CAMTA1: variants seen among roughly 807,000 people sequenced by gnomAD.
CAMTA1 encodes the protein calmodulin binding transcription activator 1.
CAMTA1 carries 27 observed loss-of-function variants against 170.9 expected under a neutral mutation model. The ratio of observed to expected loss-of-function variants is 0.16; its 90% CI spans 0.12 to 0.22. The LOEUF (loss-of-function observed/expected upper bound fraction) is 0.22, where lower values mean the gene tolerates loss of function less well. Ranked by LOEUF, CAMTA1 falls within the 10% of genes least tolerant of loss-of-function variation. The probability of loss-of-function intolerance (pLI) is 1.00; values close to 1 mark genes in which losing one functional copy is unlikely to be tolerated. For synonymous variants in CAMTA1, 833 were observed against 891.5 expected, an observed-to-expected ratio of 0.93 and a Z score of 1.17; for missense variants, 1,619 against 2,217.2, an observed-to-expected ratio of 0.73 and a Z score of 5.42.
Position 7,530,051 on chromosome 1 carries a change from C to T in CAMTA1, c.510+62150C>T, listed in dbSNP as rs556667924. ...TGGGGCCCAGCAGAGGTTGACTTCCCTGTACCTGGGGAGGGCTCGTCAGCT... is the reference window on the plus strand; with the variant it reads ...TGGGGCCCAGCAGAGGTTGACTTCCTTGTACCTGGGGAGGGCTCGTCAGCT... On this transcript the variant is annotated intron_variant, in intron 6 of 22. Coordinates refer to ENST00000303635, the MANE Select transcript of CAMTA1 (RefSeq NM_015215.4). 2.5e-3 allele frequency among the ~76,000 whole-genome samples: 383 copies of T among 152,306 alleles called. 1 individual carries two copies. Among genetic ancestry groups the T allele is most frequent in the African/African-American group, 8.0e-3 (332 of 41,558 alleles).
At chr1:7,046,725 A>C (rs960752253) in intron 3 of CAMTA1, among the ~76,000 whole-genome samples, 1 of 152,190 alleles carries the variant, frequency 6.6e-6, no homozygotes, top group Non-Finnish European at 1.5e-5. Flanking sequence ...TTTTGGACTC[A>C]TGTTCTTAAA....
intron 4 of CAMTA1, among the ~76,000 whole-genome samples, chr1:7,125,137 C>T (rs1644859541): frequency 6.6e-6 from 1 of 152,142 alleles, no homozygotes; most frequent in African/African-American, 2.4e-5. Context: ...TCTGCATCTA[C>T]ACCGTGTTAA....
At chr1:7,015,700 T>C (rs1374147908) in intron 3 of CAMTA1, among the ~76,000 whole-genome samples, 1 of 152,134 alleles carries the variant, frequency 6.6e-6, no homozygotes, top group Non-Finnish European at 1.5e-5. Context: ...CTGGGCAATT[T>C]ATATAGAAAA....
chr1:7,558,965 C>A (rs1178085161), intron 6 of CAMTA1, among the ~76,000 whole-genome samples: 1 of 152,202 alleles, frequency 6.6e-6, no homozygotes. Context: ...AGGGCTGGGT[C>A]TCGGACCCCC....
At chr1:6,805,670 A>C (rs550788644) in intron 1 of CAMTA1, among the ~76,000 whole-genome samples, 2 of 152,178 alleles carry the variant, frequency 1.3e-5, no homozygotes, top group African/African-American at 4.8e-5. Flanking sequence ...TGGTCTGGCT[A>C]ATTTAGAAAT....
chr1:7,398,193 C>CTCTCTATATATA (rs1557651862), intron 5 of CAMTA1, among the ~76,000 whole-genome samples: 2 of 16,898 alleles, frequency 1.2e-4, no homozygotes, highest in African/African-American at 1.9e-4. Flanking sequence ...CTCTCTCTCT[C>CTCTCTATATATA]TATATATATA....
chr1:7,555,991 A>G (rs1484066374), intron 6 of CAMTA1, among the ~76,000 whole-genome samples: 2 of 152,190 alleles, frequency 1.3e-5, no homozygotes, highest in East Asian at 3.8e-4. Flanking sequence ...CATAGATCCC[A>G]TGAGGAGGGG....
intron 5 of CAMTA1, among the ~76,000 whole-genome samples, chr1:7,460,595 C>G (rs1346103828): frequency 4.9e-5 from 2 of 40,908 alleles, no homozygotes; most frequent in African/African-American, 2.7e-4. Flanking sequence ...CTGTGACTGC[C>G]CCCCCCAACC....
intron 3 of CAMTA1, among the ~76,000 whole-genome samples, chr1:7,051,589 C>T (rs1706366615): frequency 6.6e-6 from 1 of 151,606 alleles, no homozygotes; most frequent in Non-Finnish European, 1.5e-5. Flanking sequence ...CCTGGGTGTC[C>T]GAGGTTGCTG....
intron 11 of CAMTA1, among the ~76,000 whole-genome samples, chr1:7,696,455 A>C (rs1237841849): frequency 2.0e-5 from 3 of 150,432 alleles, no homozygotes; most frequent in Non-Finnish European, 2.9e-5. Context: ...CAGCCTCCCA[A>C]AGTGCTGGGA....
intron 6 of CAMTA1, among the ~76,000 whole-genome samples, chr1:7,627,886 T>C (rs2095643836): frequency 6.6e-6 from 1 of 152,228 alleles, no homozygotes; most frequent in Admixed American, 6.5e-5. Context: ...GAAGAAATGC[T>C]AGTTCTCAGC....
chr1:7,335,644 G>A (rs7524250), intron 5 of CAMTA1, among the ~76,000 whole-genome samples: 1 of 152,144 alleles, frequency 6.6e-6, no homozygotes, highest in Non-Finnish European at 1.5e-5. Context: ...GTGAGGCCAG[G>A]ATTTATACTC....
At chr1:7,511,936 G>A (rs6577446) in intron 6 of CAMTA1, among the ~76,000 whole-genome samples, 68,487 of 152,030 alleles carry the variant, frequency 0.45, 15,685 homozygotes, top group African/African-American at 0.53. Flanking sequence ...TGTTTTCTCA[G>A]TTTCTTCTGA....
chr1:6,871,919 A>G, intron 3 of CAMTA1: 3 of 1,344,272 alleles, frequency 2.2e-6, no homozygotes, highest in Non-Finnish European at 2.9e-6. Flanking sequence ...TTCAAAGTGT[A>G]ACACGCTGAT....
intron 5 of CAMTA1, among the ~76,000 whole-genome samples, chr1:7,354,121 G>T (rs1433038686): frequency 6.6e-6 from 1 of 151,854 alleles, no homozygotes; most frequent in Non-Finnish European, 1.5e-5. Context: ...AGTATTCCAC[G>T]GTGCATATGT....
intron 5 of CAMTA1, among the ~76,000 whole-genome samples, chr1:7,374,661 G>A (rs139584629): frequency 3.0e-4 from 45 of 152,332 alleles, no homozygotes; most frequent in African/African-American, 1.0e-3. Flanking sequence ...ATATAAGGAA[G>A]CAGGCGTGCG....
intron 11 of CAMTA1, among the ~76,000 whole-genome samples, chr1:7,688,682 T>C (rs1275203601): frequency 1.3e-5 from 2 of 152,176 alleles, no homozygotes; most frequent in Non-Finnish European, 2.9e-5. Context: ...TCCAGTCCAA[T>C]GCTCAGCCTC....
chr1:7,188,988 T>G (rs1406493146), intron 4 of CAMTA1, among the ~76,000 whole-genome samples: 2 of 152,230 alleles, frequency 1.3e-5, no homozygotes, highest in Non-Finnish European at 2.9e-5. Flanking sequence ...TGTTTTTTAA[T>G]AATAGCCATG....
intron 5 of CAMTA1, among the ~76,000 whole-genome samples, chr1:7,344,724 G>A (rs997812756): frequency 6.6e-5 from 10 of 150,878 alleles, no homozygotes; most frequent in Non-Finnish European, 1.0e-4. Flanking sequence ...TTGGCCATGT[G>A]TTTCTCCTCT....
Sources: allele counts gnomAD v4.1 joint callset (sites outside exome capture counted in the v4.1 genomes callset), GRCh38; gene constraint gnomAD v4.1.1; transcripts MANE v1.5; gene names NCBI Gene and HGNC (gene_info 2026-07-23, HGNC 2026-07-21).